Variants in NAV3 observed in about 807,000 individuals in gnomAD.
The protein encoded by NAV3 is neuron navigator 3, also known as pore membrane and/or filament interacting like protein 1.
In NAV3, 87 loss-of-function variants were observed where a neutral mutation model predicts 244.7. The observed-to-expected ratio is 0.36, with a 90% CI of 0.30 to 0.42. The LOEUF (loss-of-function observed/expected upper bound fraction) is 0.42, where lower values mean the gene tolerates loss of function less well. Among genes scored for constraint, NAV3 ranks in the 20% least tolerant of loss-of-function variants. The probability of loss-of-function intolerance (pLI) is 1.00; values close to 1 mark genes in which losing one functional copy is unlikely to be tolerated. For missense variants in NAV3, 2,663 were observed against 2,893.3 expected, an observed-to-expected ratio of 0.92 and a Z score of 1.83; for synonymous variants, 1,126 against 1,042.2, an observed-to-expected ratio of 1.08 and a Z score of -1.55.
intron 2 of NAV3, among the ~76,000 whole-genome samples, chr12:77,792,704 T>G (rs1466637484): frequency 6.6e-6 from 1 of 152,206 alleles, no homozygotes; most frequent in Non-Finnish European, 1.5e-5. Flanking sequence ...ATTTCAGCCT[T>G]CTTTCCTGCT....
At position 77,759,447 on chromosome 12, in the gene NAV3, G is replaced by A. The variant is rs541187386; in HGVS notation, c.73-180872G>A. Among the ~76,000 whole-genome samples the A allele has an allele frequency of 1.1e-4, 17 of 152,316 alleles. No homozygotes were observed. The South Asian group carries it at 3.5e-3, about 32-fold the overall frequency. On this transcript the variant is annotated intron_variant, in intron 2 of 8. Coordinates refer to the NAV3 transcript ENST00000550042. Reference sequence around the variant, plus strand: ...TGACTTAGGAATTGGTGTAGGGCTAGTAGGCCTGAGATTCCAGGAAACTAT... The same window carrying A: ...TGACTTAGGAATTGGTGTAGGGCTAATAGGCCTGAGATTCCAGGAAACTAT...
chr12:77,983,728 T>C (rs547071563), intron 5 of NAV3, among the ~76,000 whole-genome samples: 1 of 152,210 alleles, frequency 6.6e-6, no homozygotes, highest in South Asian at 2.1e-4. Context: ...ACAGGTGAAG[T>C]GAGGAAACAA....
At chr12:77,613,462 T>C (rs1217099685) in intron 2 of NAV3, among the ~76,000 whole-genome samples, 1 of 152,128 alleles carries the variant, frequency 6.6e-6, no homozygotes, top group East Asian at 1.9e-4. Flanking sequence ...AAACAGCCTT[T>C]TTACATGAAA....
chr12:77,598,687 A>G (rs986540592), intron 2 of NAV3, among the ~76,000 whole-genome samples: 6 of 152,004 alleles, frequency 3.9e-5, no homozygotes, highest in Non-Finnish European at 7.4e-5. Flanking sequence ...AGGTAATAAA[A>G]GTACACATTT....
Position 78,128,729 on chromosome 12 carries a change from C to T in NAV3, c.4304C>T (p.Ala1435Val), listed in dbSNP as rs771436482. 6.2e-7 allele frequency: 1 copy of T among 1,613,754 alleles called. No homozygotes were observed. Among genetic ancestry groups the T allele is most frequent in the African/African-American group, 1.3e-5 (1 of 74,908 alleles). ...AGATATACCCCATCATCTCGGCAGGCCAACCAAGAAGAGGGCAAAGAGTGG... is the reference window on the plus strand; with the variant it reads ...AGATATACCCCATCATCTCGGCAGGTCAACCAAGAAGAGGGCAAAGAGTGG... Reference protein sequence around the residue: ...GLRYTPSSRQANQEEGKEWLR... With the variant: ...GLRYTPSSRQVNQEEGKEWLR... Residue 1435 changes from alanine to valine, a missense_variant, in exon 18 of 40, where the codon GCC becomes GTC. This residue lies in a region of NAV3 where 354 missense variants were observed against 413.0 expected (regional missense o/e 0.86). Coordinates refer to ENST00000397909, the MANE Select transcript of NAV3 (RefSeq NM_001024383.2).
chr12:77,897,599 C>G (rs1422238620), intron 1 of NAV3, among the ~76,000 whole-genome samples: 1 of 152,024 alleles, frequency 6.6e-6, no homozygotes, highest in Non-Finnish European at 1.5e-5. Flanking sequence ...AGGCTTCATA[C>G]TTATCTGGCT....
rs373629246 is a variant in NAV3, at chr12:77,968,748, A to G, written c.671+46A>G. 1,494 of 1,566,220 alleles carry G rather than the reference A, an allele frequency of 9.5e-4. 21 individuals are homozygous for G. The South Asian group carries it at 0.013, about 14-fold the overall frequency. ...ATGTGTTTCCAATTAGTTTGTGTAG[A>G]TACAACTTGTTTTTAACAAATTATT... On this transcript the variant is annotated intron_variant, in intron 5 of 39. Coordinates refer to ENST00000397909, the MANE Select transcript of NAV3 (RefSeq NM_001024383.2).
At chr12:77,784,474 GC>G (rs1364346212) in intron 2 of NAV3, among the ~76,000 whole-genome samples, 1 of 152,170 alleles carries the variant, frequency 6.6e-6, no homozygotes, top group East Asian at 1.9e-4. Context: ...GTGAAATTGA[GC>G]CTAGAATAAG....
intron 1 of NAV3, 184 bp from the exon 2 acceptor site, chr12:77,940,135 G>C (rs1002418848): frequency 1.8e-6 from 1 of 561,966 alleles, no homozygotes; most frequent in African/African-American, 1.9e-5. Flanking sequence ...TTTGAAATGA[G>C]AGATAAGTTG....
chr12:77,616,428 A>T (rs1453302232), intron 2 of NAV3, among the ~76,000 whole-genome samples: 5 of 152,246 alleles, frequency 3.3e-5, no homozygotes, highest in Admixed American at 3.3e-4. Flanking sequence ...AAAAATTTTA[A>T]ATCCCTGCAT....
rs2136280976 is a variant in NAV3, at chr12:77,982,975, A to G, written c.672-11828A>G. ...CACTCAGACTCTAAGAGATGGGTGG[A>G]TAGCACAAAGATCTCACTTCTCAAT... On this transcript the variant is annotated intron_variant, in intron 5 of 39. Transcript: ENST00000397909. Among the ~76,000 whole-genome samples the G allele has an allele frequency of 1.3e-5, 2 of 152,280 alleles. 1 individual carries two copies. Among genetic ancestry groups the G allele is most frequent in the South Asian group, 4.1e-4 (2 of 4,822 alleles).
chr12:78,071,576 A>G (rs368570445), intron 12 of NAV3, among the ~76,000 whole-genome samples: 1 of 152,020 alleles, frequency 6.6e-6, no homozygotes, highest in East Asian at 1.9e-4. Context: ...CCATTTGTCA[A>G]TCTCGTCTTT....
In NAV3 at chr12:78,027,030, T is replaced by G. The variant is rs549935133; in HGVS notation, c.2023+5168T>G. The stretch of plus-strand genomic sequence containing the variant: ...TAAAAATTTACTTTTGATTATGCCA[T>G]CACTGAATAATCAAAGAATATGAGG... On this transcript the variant is annotated intron_variant, in intron 9 of 39. Transcript: ENST00000397909. Among the ~76,000 whole-genome samples, 5 of 152,332 alleles carry G rather than the reference T, an allele frequency of 3.3e-5. No homozygotes were observed. In the East Asian group the frequency reaches 7.7e-4, roughly 24 times the overall value.
intron 1 of NAV3, among the ~76,000 whole-genome samples, chr12:77,836,165 T>G (rs899798100): frequency 1.3e-5 from 2 of 152,174 alleles, no homozygotes; most frequent in Non-Finnish European, 2.9e-5. Flanking sequence ...TACTTAACAT[T>G]CTGGAAGTTA....
intron 2 of NAV3, among the ~76,000 whole-genome samples, chr12:77,738,391 T>A (rs761742860): frequency 4.5e-4 from 68 of 152,224 alleles, no homozygotes; most frequent in Non-Finnish European, 8.8e-4. Context: ...ACACTAGATG[T>A]AAAGCACACA....
chr12:77,969,113 G>T (rs1362722564), intron 5 of NAV3, among the ~76,000 whole-genome samples: 3 of 151,512 alleles, frequency 2.0e-5, no homozygotes, highest in Middle Eastern at 3.2e-3. Context: ...AAACATAGGA[G>T]TTTGAAGTTT....
At chr12:77,808,465 C>T (rs1031483454) in intron 2 of NAV3, among the ~76,000 whole-genome samples, 3 of 152,136 alleles carry the variant, frequency 2.0e-5, no homozygotes, top group African/African-American at 7.2e-5. Context: ...TGCTGGAGGT[C>T]CACTGCAGAC....
At position 77,643,944 on chromosome 12, in the gene NAV3, GA is replaced by G. The variant is rs1266071146; in HGVS notation, c.72+71683del. The stretch of plus-strand genomic sequence containing the variant: ...AGATTTATTCAAGTCACATGAACTT[GA>G]AAAATATTTGAGCTTACTTATTACT... On this transcript the variant is annotated intron_variant, in intron 2 of 8. Coordinates refer to the NAV3 transcript ENST00000550042. 5.3e-5 allele frequency among the ~76,000 whole-genome samples: 8 copies of G among 152,184 alleles called. No individual in the cohort carries two copies. The East Asian group carries it at 9.7e-4, about 18-fold the overall frequency.
chr12:77,819,896 G>C (rs1872666081), intron 2 of NAV3, among the ~76,000 whole-genome samples: 1 of 152,162 alleles, frequency 6.6e-6, no homozygotes, highest in Non-Finnish European at 1.5e-5. Context: ...GTATATGCAA[G>C]AAAGAGCTCG....
Sources: gnomAD v4.1 joint callset for allele counts (sites outside exome capture counted in the v4.1 genomes callset) on GRCh38, gnomAD v4.1.1 for gene constraint, gnomAD v4.1.1 regional missense constraint, MANE v1.5 for transcripts, NCBI Gene and HGNC (gene_info 2026-07-23, HGNC 2026-07-21) for gene names.